CFAP46: variants seen among roughly 807,000 people sequenced by gnomAD.
CFAP46 encodes the protein cilia and flagella associated protein 46.
In CFAP46, 245 loss-of-function variants were observed where a neutral mutation model predicts 325.7. That is an observed-to-expected ratio of 0.75 (90% CI 0.68 to 0.84). CFAP46 has a LOEUF of 0.84. Among genes scored for constraint, CFAP46 ranks in the 40% least tolerant of loss-of-function variants. The pLI is 0.00. For missense variants in CFAP46, 3,346 were observed against 3,543.0 expected (o/e 0.94, Z 1.41); for synonymous variants, 1,523 against 1,495.9 (o/e 1.02, Z -0.42).
rs1438743030 is a variant in CFAP46, at chr10:132,913,227, T to G, written c.2152A>C (p.Met718Leu). The G allele has an allele frequency of 2.6e-6, 4 of 1,550,348 alleles. No homozygotes were observed. In the African/African-American group the frequency reaches 5.5e-5, roughly 21 times the overall value. The change falls in exon 18 of 58, where the codon ATG becomes CTG. Residue 718 changes from methionine (M) to leucine (L), a missense_variant. By Grantham distance (15) the Met-to-Leu change is conservative. Coordinates refer to ENST00000368586, the MANE Select transcript of CFAP46 (RefSeq NM_001200049.3). Reference sequence around the variant, plus strand: ...TCTGCGGAGCGCAGCCAGTTATTCATGGCACACCGGGACAGACTCTCGATC... The same window carrying G: ...TCTGCGGAGCGCAGCCAGTTATTCAGGGCACACCGGGACAGACTCTCGATC... Reference protein sequence around the residue: ...TWIESLSRCAMNNWLRSAEIG... With the variant: ...TWIESLSRCALNNWLRSAEIG...
In CFAP46 at chr10:132,851,029, G is replaced by A. The variant is rs892433720; in HGVS notation, c.5763+88C>T. 3 of 1,513,038 alleles carry A rather than the reference G, an allele frequency of 2.0e-6. No homozygotes were observed. In the African/African-American group the frequency reaches 4.1e-5, roughly 21 times the overall value. The allele number at this position is 1,513,038 out of a possible 1,614,324, so 93.7% of individuals were successfully genotyped here. A position where few individuals can be genotyped will look rare whatever the true frequency, so the allele number is the denominator to read the frequency against. On this transcript the variant is annotated intron_variant, in intron 40 of 57. Coordinates refer to ENST00000368586, the MANE Select transcript of CFAP46 (RefSeq NM_001200049.3). ...CCGCACCGCCAGGTGCACAGTGGTG[G>A]AGACGGCTCCTGCTGGAACGGGGGT...
rs562556121 is a variant in CFAP46 at position 132,911,603 on chromosome 10, T to G, written c.2499+1052A>C. ...TCTCTCGGGTTCTTTGAGGCTCTTC[T>G]GAGTTAGAAATGGGCAATGGCTCAT... On this transcript the variant is annotated intron_variant, in intron 19 of 57. Coordinates refer to ENST00000368586, the MANE Select transcript of CFAP46 (RefSeq NM_001200049.3). Among the ~76,000 whole-genome samples, 3 of 152,356 alleles carry G rather than the reference T, an allele frequency of 2.0e-5. No individual in the cohort carries two copies. In the East Asian group the frequency reaches 5.8e-4, roughly 29 times the overall value.
intron 9 of CFAP46, among the ~76,000 whole-genome samples, chr10:132,927,077 G>A (rs887581183): frequency 1.2e-4 from 18 of 152,204 alleles, no homozygotes; most frequent in Admixed American, 2.6e-4. Context: ...TGCTGAGCTC[G>A]GGGAAGATGT....
Position 132,860,947 on chromosome 10 carries a change from C to A in CFAP46, c.4926G>T (p.Leu1642=). 1 of 1,550,700 alleles carries A rather than the reference C, an allele frequency of 6.4e-7. No homozygotes were observed. The highest frequency in any genetic ancestry group is 8.7e-7 in the Non-Finnish European group (1 of 1,147,040). The change falls in exon 36 of 58, where the codon CTG becomes CTT. Residue 1642 remains leucine, a synonymous_variant. Transcript: ENST00000368586. ...TGTTGGCCAACTGTGCGAGGAGGAGCAGGCACTGGGCCTCTGCACAAGGCT... is the reference window on the plus strand; with the variant it reads ...TGTTGGCCAACTGTGCGAGGAGGAGAAGGCACTGGGCCTCTGCACAAGGCT... ...LDEPCAEAQC[L]LLLAQLANKE...
chr10:132,850,183 T>G, intron 41 of CFAP46, 61 bp downstream of exon 41: 1 of 1,513,776 alleles, frequency 6.6e-7, no homozygotes, highest in East Asian at 2.5e-5. Context: ...TTCGCTTGTG[T>G]TTTTCAGGCA....
rs573252855 is a variant in CFAP46, at chr10:132,906,116, G to A, written c.2924+2352C>T. On this transcript the variant is annotated intron_variant, in intron 22 of 57. Coordinates refer to ENST00000368586, the MANE Select transcript of CFAP46 (RefSeq NM_001200049.3). ...TCGATGTTGGCAAAGAGAAAACAGCGGGACTGGGCTCCAGACCAACTCTGC... is the reference window on the plus strand; with the variant it reads ...TCGATGTTGGCAAAGAGAAAACAGCAGGACTGGGCTCCAGACCAACTCTGC... Among the ~76,000 whole-genome samples, 16 of 152,372 alleles carry A rather than the reference G, an allele frequency of 1.1e-4. No individual in the cohort carries two copies. In the South Asian group the frequency reaches 1.9e-3, roughly 18 times the overall value.
intron 7 of CFAP46, among the ~76,000 whole-genome samples, chr10:132,935,591 C>A (rs182549267): frequency 4.4e-4 from 53 of 119,536 alleles, no homozygotes; most frequent in Admixed American, 1.0e-3. Context: ...GCACCCAAAC[C>A]CACTGTGATC....
chr10:132,878,965 G>A (rs1433268883), intron 29 of CFAP46, among the ~76,000 whole-genome samples: 3 of 152,206 alleles, frequency 2.0e-5, no homozygotes, highest in African/African-American at 7.2e-5. Context: ...AAGGAGGGGG[G>A]TGGGAGTGGG....
Position 132,857,605 on chromosome 10 carries a change from T to C in CFAP46, c.5559A>G (p.Leu1853=), listed in dbSNP as rs895366601. ...EEGRLHSVQG[L]LSLQDLQNVN... is the part of the protein sequence containing the mutation. ...ACCTGCTTACGTCTTGAAGTGACAA[T>C]AGGCCCTGGACGCTGTGAAGCCTCC... is the stretch of plus-strand genomic sequence containing the variant. Residue 1853 remains leucine (L), a synonymous_variant, in exon 39 of 58, where the codon CTA becomes CTG. Transcript: ENST00000368586. 3 of 1,613,522 alleles carry C rather than the reference T, an allele frequency of 1.9e-6. No homozygotes were observed. The highest frequency in any genetic ancestry group is 1.7e-5 in the Admixed American group (1 of 59,814).
chr10:132,933,252 G>C (rs1849941148), intron 8 of CFAP46, among the ~76,000 whole-genome samples: 1 of 152,088 alleles, frequency 6.6e-6, no homozygotes, highest in South Asian at 2.1e-4. Flanking sequence ...GGTCCTGGCA[G>C]GCCTGGCATC....
intron 40 of CFAP46, 69 bp downstream of exon 40, chr10:132,851,048 C>A: frequency 1.3e-6 from 2 of 1,577,524 alleles, no homozygotes; most frequent in Non-Finnish European, 1.7e-6. Context: ...CCTGCTGGAA[C>A]GGGGGTCCCA....
At chr10:132,820,203 G>A (rs898589449) in intron 50 of CFAP46, among the ~76,000 whole-genome samples, 3 of 152,236 alleles carry the variant, frequency 2.0e-5, no homozygotes, top group African/African-American at 2.4e-5. Flanking sequence ...CGCCGTTGGC[G>A]ACAACATGGA....
chr10:132,891,595 C>A (rs1186088564), intron 25 of CFAP46, among the ~76,000 whole-genome samples: 1 of 152,206 alleles, frequency 6.6e-6, no homozygotes, highest in African/African-American at 2.4e-5. Context: ...GGGGAAAATC[C>A]ACATGCTGTG....
chr10:132,825,176 G>A (rs1157965924), intron 50 of CFAP46, among the ~76,000 whole-genome samples: 1 of 147,594 alleles, frequency 6.8e-6, no homozygotes, highest in Non-Finnish European at 1.5e-5. Flanking sequence ...TGTGTGCTGT[G>A]TGTGTGCTGT....
At chr10:132,865,355 C>T (rs889712818) in intron 35 of CFAP46, among the ~76,000 whole-genome samples, 11 of 152,188 alleles carry the variant, frequency 7.2e-5, no homozygotes, top group Admixed American at 3.9e-4. Context: ...CTGGGGCTTC[C>T]GGTGCTGAGG....
chr10:132,856,777 C>G (rs1246595999), intron 39 of CFAP46, among the ~76,000 whole-genome samples: 1 of 152,162 alleles, frequency 6.6e-6, no homozygotes, highest in African/African-American at 2.4e-5. Context: ...ATCAATTATT[C>G]TTCCTAATTT....
intron 35 of CFAP46, among the ~76,000 whole-genome samples, chr10:132,863,406 A>G (rs973441291): frequency 1.3e-5 from 2 of 152,068 alleles, no homozygotes; most frequent in Non-Finnish European, 2.9e-5. Context: ...GCACCCATGT[A>G]TGTCCCCTCC....
chr10:132,887,180 T>A (rs1199760072), intron 25 of CFAP46, among the ~76,000 whole-genome samples: 2 of 31,900 alleles, frequency 6.3e-5, no homozygotes, highest in African/African-American at 2.2e-4. Flanking sequence ...TCCTCTCCCC[T>A]CTTCTCTCTC....
intron 5 of CFAP46, among the ~76,000 whole-genome samples, chr10:132,938,095 G>A (rs917763427): frequency 2.0e-5 from 3 of 152,112 alleles, no homozygotes; most frequent in African/African-American, 7.2e-5. Context: ...TTTCCTTTCC[G>A]CCGCCCGGCA....
Sources: gnomAD v4.1 joint callset for allele counts (sites outside exome capture counted in the v4.1 genomes callset) on GRCh38, gnomAD v4.1.1 for gene constraint, MANE v1.5 for transcripts, NCBI Gene and HGNC (gene_info 2026-07-23, HGNC 2026-07-21) for gene names.